RGS10: variants seen among roughly 807,000 people sequenced by gnomAD.
RGS10 encodes regulator of G protein signaling 10.
In RGS10, 11 loss-of-function variants were observed where a neutral mutation model predicts 23.5. The observed-to-expected ratio is 0.47, with a 90% confidence interval of 0.29 to 0.77. The LOEUF (loss-of-function observed/expected upper bound fraction) is 0.77. RGS10 is among the 30% of genes least tolerant of loss of function. The pLI is 0.08. For synonymous variants in RGS10, 77 were observed against 83.2 expected, an observed-to-expected ratio of 0.92 and a Z score of 0.41; for missense variants, 180 against 226.3, an observed-to-expected ratio of 0.80 and a Z score of 1.31.
chr10:119,529,195 G>A (rs1487884095), intron 1 of RGS10, among the ~76,000 whole-genome samples: 1 of 152,184 alleles, frequency 6.6e-6, no homozygotes, highest in Non-Finnish European at 1.5e-5. Flanking sequence ...GCTCACGCCT[G>A]TAATCCTAGC....
At chr10:119,501,393 C>T (rs1042227113) in intron 4 of RGS10, among the ~76,000 whole-genome samples, 2 of 152,146 alleles carry the variant, frequency 1.3e-5, no homozygotes, top group Non-Finnish European at 2.9e-5. Context: ...TTTAAGGCTG[C>T]CCTCTCCCAA....
chr10:119,542,482 T>G, intron 1 of RGS10, 108 bp downstream of exon 1: 1 of 997,578 alleles, frequency 1.0e-6, no homozygotes, highest in Non-Finnish European at 1.3e-6. Context: ...GGGGCTCCAG[T>G]CTGGGAGGTA....
In RGS10 at chr10:119,525,015, C is replaced by A. The variant is rs575756277; in HGVS notation, c.255+1017G>T. Among the ~76,000 whole-genome samples the A allele has an allele frequency of 2.9e-4, 44 of 151,334 alleles. No individual in the cohort carries two copies. The South Asian group carries it at 8.1e-3, about 28-fold the overall frequency. ...GAGACGAGGCCTCAAAAACTGGCAACGCGCAAGCCGCATCTGCCCATGGGT... is the reference window on the plus strand; with the variant it reads ...GAGACGAGGCCTCAAAAACTGGCAAAGCGCAAGCCGCATCTGCCCATGGGT... On this transcript the variant is annotated intron_variant, in intron 3 of 4. Coordinates refer to ENST00000369103, the MANE Select transcript of RGS10 (RefSeq NM_001005339.2).
At chr10:119,522,891 T>C in intron 3 of RGS10, among the ~76,000 whole-genome samples, 1 of 151,700 alleles carries the variant, frequency 6.6e-6, no homozygotes, top group East Asian at 1.9e-4. Flanking sequence ...CTTTTTTTTT[T>C]TGTTGAGACA....
chr10:119,515,706 T>G, intron 3 of RGS10, 54 bp from the exon 4 acceptor site: 1 of 1,602,684 alleles, frequency 6.2e-7, no homozygotes, highest in Non-Finnish European at 8.5e-7. Flanking sequence ...CTTCCCGGCC[T>G]GAGCCCTGCT....
At chr10:119,526,979 CACGTCAGAGAG>C (rs1159562737) in intron 2 of RGS10, among the ~76,000 whole-genome samples, 3 of 152,240 alleles carry the variant, frequency 2.0e-5, no homozygotes, top group East Asian at 3.9e-4. Flanking sequence ...AACAAGCCTT[CACGTCAGAGAG>C]ACCCAGAGCT....
At chr10:119,504,613 G>A (rs1349835614) in intron 4 of RGS10, among the ~76,000 whole-genome samples, 6 of 152,184 alleles carry the variant, frequency 3.9e-5, no homozygotes, top group African/African-American at 1.4e-4. Flanking sequence ...TTTGAAAAGA[G>A]GGTTGCATAA....
At chr10:119,504,453 G>A (rs1347287063) in intron 4 of RGS10, among the ~76,000 whole-genome samples, 1 of 152,186 alleles carries the variant, frequency 6.6e-6, no homozygotes, top group African/African-American at 2.4e-5. Context: ...CGGGATTACA[G>A]GCATGAGCCA....
intron 4 of RGS10, among the ~76,000 whole-genome samples, chr10:119,504,843 C>T (rs1391961020): frequency 6.6e-6 from 1 of 152,150 alleles, no homozygotes; most frequent in African/African-American, 2.4e-5. Flanking sequence ...CACACCCTCT[C>T]GCCACCACCC....
intron 3 of RGS10, among the ~76,000 whole-genome samples, chr10:119,522,125 C>T (rs145210553): frequency 6.6e-6 from 1 of 152,296 alleles, no homozygotes; most frequent in East Asian, 1.9e-4. Flanking sequence ...TGGGTCTAGA[C>T]CCTCGGAGAC....
chr10:119,500,335 A>C (rs1161544785), intron 4 of RGS10, 76 bp from the exon 5 acceptor site: 41 of 1,324,334 alleles, frequency 3.1e-5, no homozygotes, highest in Admixed American at 9.5e-5. Context: ...GATATGTATT[A>C]ATACCTACCA....
At chr10:119,525,916 C>T (rs1381400169) in intron 3 of RGS10, 116 bp downstream of exon 3, 5 of 541,664 alleles carry the variant, frequency 9.2e-6, no homozygotes, top group Non-Finnish European at 1.6e-5. Context: ...TAATCTGAAG[C>T]TTAAATCTTC....
chr10:119,526,238 C>A, intron 2 of RGS10, 120 bp from the exon 3 acceptor site: 1 of 506,876 alleles, frequency 2.0e-6, no homozygotes, highest in Non-Finnish European at 3.4e-6. Flanking sequence ...GGTTCAGTTA[C>A]TCTTCGAAAA....
chr10:119,540,095 C>A (rs1227316452), intron 1 of RGS10, among the ~76,000 whole-genome samples: 3 of 152,012 alleles, frequency 2.0e-5, no homozygotes, highest in Admixed American at 6.6e-5. Context: ...GATGACCAGT[C>A]AGGCAAGAAC....
chr10:119,504,296 TCTC>T (rs1843985694), intron 4 of RGS10, among the ~76,000 whole-genome samples: 1 of 152,134 alleles, frequency 6.6e-6, no homozygotes, highest in African/African-American at 2.4e-5. Flanking sequence ...TTCAAGCGAT[TCTC>T]CTGCTTCTGC....
Position 119,537,472 on chromosome 10 carries a change from T to C in RGS10, c.49+5118A>G, listed in dbSNP as rs1844400498. ...TTTGCAACAATCCTTGCAAGCTAGT[T>C]TCCTCAAGGGCCCCATTTTACAGAT... On this transcript the variant is annotated intron_variant, in intron 1 of 4. Transcript: ENST00000369103. Among the ~76,000 whole-genome samples the C allele has an allele frequency of 2.0e-5, 3 of 152,074 alleles. No individual in the cohort carries two copies. The South Asian group carries it at 6.2e-4, about 32-fold the overall frequency.
At chr10:119,533,451 C>A (rs1844353806) in intron 1 of RGS10, among the ~76,000 whole-genome samples, 1 of 151,996 alleles carries the variant, frequency 6.6e-6, no homozygotes, top group African/African-American at 2.4e-5. Flanking sequence ...ATGTTACAAC[C>A]AGTCCAGTAA....
intron 1 of RGS10, among the ~76,000 whole-genome samples, chr10:119,528,483 T>C (rs1012142795): frequency 1.3e-5 from 2 of 152,208 alleles, no homozygotes; most frequent in Admixed American, 1.3e-4. Flanking sequence ...CTGTTATTTT[T>C]CCTGACTTTA....
At chr10:119,520,809 C>G (rs1218569286) in intron 3 of RGS10, among the ~76,000 whole-genome samples, 1 of 126,094 alleles carries the variant, frequency 7.9e-6, no homozygotes, top group Non-Finnish European at 1.7e-5. Context: ...TCTCCAAAAG[C>G]AAAAAAAAAA....
Sources: allele counts gnomAD v4.1 joint callset (sites outside exome capture counted in the v4.1 genomes callset), GRCh38; gene constraint gnomAD v4.1.1; transcripts MANE v1.5; gene names NCBI Gene and HGNC (gene_info 2026-07-23, HGNC 2026-07-21).